FLT3: variants seen among roughly 807,000 people sequenced by gnomAD.
The protein encoded by FLT3 is fms related receptor tyrosine kinase 3.
FLT3 carries 46 observed loss-of-function variants against 126.6 expected under a neutral mutation model. That is an observed-to-expected ratio of 0.36 (90% CI 0.29 to 0.46). FLT3 has a LOEUF of 0.46. FLT3 is among the 20% of genes least tolerant of loss of function. The pLI is 1.00. For synonymous variants in FLT3, 404 were observed against 434.4 expected, an observed-to-expected ratio of 0.93 and a Z score of 0.87; for missense variants, 1,069 against 1,190.3, an observed-to-expected ratio of 0.90 and a Z score of 1.50.
At chr13:28,050,764 C>A (rs1020808397) in intron 5 of FLT3, among the ~76,000 whole-genome samples, 1 of 152,080 alleles carries the variant, frequency 6.6e-6, no homozygotes, top group Non-Finnish European at 1.5e-5. Flanking sequence ...CCTCTCCCTG[C>A]CTCAGCAGAA....
chr13:28,055,976 C>T (rs192483664), intron 4 of FLT3, among the ~76,000 whole-genome samples: 39 of 152,188 alleles, frequency 2.6e-4, no homozygotes, highest in Non-Finnish European at 4.9e-4. Context: ...GGCTCTGGTC[C>T]TATCATTTTC....
At chr13:28,087,242 T>C (rs1878734775) in intron 1 of FLT3, among the ~76,000 whole-genome samples, 1 of 151,366 alleles carries the variant, frequency 6.6e-6, no homozygotes, top group Non-Finnish European at 1.5e-5. Context: ...GCCAATTCTT[T>C]TATTTTTCGT....
rs113187201 is a variant in FLT3, at chr13:28,017,665, G to GTT, written c.2541+800_2541+801dup. Among the ~76,000 whole-genome samples the GTT allele has an allele frequency of 1.2e-3, 169 of 135,796 alleles. 1 individual carries two copies. The Middle Eastern group carries it at 0.015, about 12-fold the overall frequency. 89.1% of individuals were successfully genotyped at this position (135,796 alleles called of 152,430 possible). ...AATTCACACTGTTTTTTTTGTTGTT[G>GTT]TTTTTTTTTTTTTTTTGAGACAGAG... On this transcript the variant is annotated intron_variant, in intron 20 of 23. Transcript: ENST00000241453.
chr13:28,038,026 G>C (rs1435652590), intron 9 of FLT3, among the ~76,000 whole-genome samples: 1 of 152,314 alleles, frequency 6.6e-6, no homozygotes, highest in South Asian at 2.1e-4. Context: ...GTTGGGGACT[G>C]CTGCTGTAGC....
chr13:28,067,691 A>G (rs886614165), intron 2 of FLT3: 10 of 154,410 alleles, frequency 6.5e-5, no homozygotes, highest in African/African-American at 2.4e-4. Flanking sequence ...GAGGACATGA[A>G]ATCACTAACA....
chr13:28,079,324 G>A lies in FLT3; in HGVS notation c.44-8712C>T, dbSNP rs777072402. The stretch of plus-strand genomic sequence containing the variant: ...CACCTCGGCTTGGACCTTATTGTTC[G>A]TATCACTATCAGGATTTTTGTCAAA... On this transcript the variant is annotated intron_variant, in intron 1 of 23. Coordinates refer to ENST00000241453, the MANE Select transcript of FLT3 (RefSeq NM_004119.3). Among the ~76,000 whole-genome samples, 78 of 152,190 alleles carry A rather than the reference G, an allele frequency of 5.1e-4. 1 individual carries two copies. In the Middle Eastern group the frequency reaches 0.01, roughly 20 times the overall value.
intron 9 of FLT3, among the ~76,000 whole-genome samples, chr13:28,040,278 G>A (rs887567864): frequency 5.9e-5 from 9 of 152,106 alleles, no homozygotes; most frequent in African/African-American, 2.2e-4. Flanking sequence ...TTGAGGTTTC[G>A]GAGCATGACA....
intron 6 of FLT3, 135 bp downstream of exon 6, chr13:28,049,960 T>C: frequency 1.7e-6 from 2 of 1,165,284 alleles, no homozygotes; most frequent in Non-Finnish European, 1.2e-6. Context: ...GAATCCATAA[T>C]ATTGCATTTA....
intron 23 of FLT3, among the ~76,000 whole-genome samples, chr13:28,010,583 C>G (rs1871267864): frequency 6.6e-6 from 1 of 152,220 alleles, no homozygotes; most frequent in African/African-American, 2.4e-5. Context: ...AATCAGTGAT[C>G]TCCCTGATCT....
intron 1 of FLT3, among the ~76,000 whole-genome samples, chr13:28,094,826 C>T (rs1879353664): frequency 6.6e-6 from 1 of 152,130 alleles, no homozygotes; most frequent in South Asian, 2.1e-4. Context: ...TTAAAATTTC[C>T]TTCACATGTG....
At chr13:28,020,349 A>C (rs758829614) in intron 19 of FLT3, among the ~76,000 whole-genome samples, 5 of 152,002 alleles carry the variant, frequency 3.3e-5, no homozygotes, top group African/African-American at 1.2e-4. Context: ...ACTTTTTAAA[A>C]TTTTTTATTT....
intron 15 of FLT3, among the ~76,000 whole-genome samples, chr13:28,033,338 T>C (rs990123741): frequency 1.3e-4 from 20 of 151,788 alleles, no homozygotes; most frequent in Admixed American, 4.6e-4. Flanking sequence ...CTTCTGCCTG[T>C]GGCAACTGTA....
At position 28,023,470 on chromosome 13, in the gene FLT3, A is replaced by T. The variant is rs779748188; in HGVS notation, c.2298T>A (p.Ile766=). The T allele has an allele frequency of 1.9e-6, 3 of 1,613,618 alleles. No homozygotes were observed. Among genetic ancestry groups the T allele is most frequent in the African/African-American group, 1.3e-5 (1 of 74,906 alleles). ...CCAGCCTTTTTTGGTTTTCATATTC[A>T]ATTTCATCTGTAAAATAGAGCCAGT... ...HGNSFHSEDE[I]EYENQKRLEE... is the part of the protein sequence containing the mutation. Residue 766 remains isoleucine, a synonymous_variant, in exon 19 of 24, where the codon ATT becomes ATA. Transcript: ENST00000241453.
chr13:28,041,744 C>T (rs902787722), intron 9 of FLT3, among the ~76,000 whole-genome samples: 1 of 152,148 alleles, frequency 6.6e-6, no homozygotes, highest in African/African-American at 2.4e-5. Context: ...TCCTCTTTCG[C>T]CTAGGGGTTT....
At chr13:28,039,551 T>C (rs1364717154) in intron 9 of FLT3, among the ~76,000 whole-genome samples, 1 of 28,730 alleles carries the variant, frequency 3.5e-5, no homozygotes, top group Non-Finnish European at 2.4e-4. Context: ...AATAAAACTT[T>C]TTTTTTTTTT....
In FLT3 at chr13:28,014,464, A is replaced by C. The variant is rs1176710218; in HGVS notation, c.2847T>G (p.Asp949Glu). ...LTSFLGCQLA[D>E]AEEAMYQNVD... The stretch of plus-strand genomic sequence containing the variant: ...GGCTGCTACATACCGCTTCTTCTGC[A>C]TCTGCCAGCTGACATCCTAAAAACG... Residue 949 changes from aspartate to glutamate, a missense_variant, in exon 23 of 24, where the codon GAT (aspartate) becomes GAG (glutamate). By Grantham distance (45) the Asp-to-Glu change is conservative (BLOSUM62 2). Transcript: ENST00000241453. 2 of 1,612,792 alleles carry C rather than the reference A, an allele frequency of 1.2e-6. No homozygotes were observed. The highest frequency in any genetic ancestry group is 1.7e-6 in the Non-Finnish European group (2 of 1,178,882).
At chr13:28,025,793 G>A (rs775821924) in intron 17 of FLT3, among the ~76,000 whole-genome samples, 17 of 152,004 alleles carry the variant, frequency 1.1e-4, no homozygotes, top group South Asian at 2.1e-4. Context: ...AGGAGAGGAC[G>A]GTGTGACGGG....
chr13:28,019,173 G>T (rs977652695), intron 19 of FLT3, among the ~76,000 whole-genome samples: 2 of 152,054 alleles, frequency 1.3e-5, no homozygotes, highest in Non-Finnish European at 2.9e-5. Context: ...CGCCATGTTG[G>T]TCAGGCTGGT....
intron 1 of FLT3, among the ~76,000 whole-genome samples, chr13:28,082,590 T>C (rs1878404191): frequency 1.3e-5 from 2 of 151,876 alleles, no homozygotes; most frequent in Admixed American, 6.6e-5. Flanking sequence ...CCACCTCCCA[T>C]GCTCAAGGGA....
Sources: allele counts gnomAD v4.1 joint callset (sites outside exome capture counted in the v4.1 genomes callset), GRCh38; gene constraint gnomAD v4.1.1; transcripts MANE v1.5; gene names NCBI Gene and HGNC (gene_info 2026-07-23, HGNC 2026-07-21).